Variants in VPS53 observed in about 807,000 individuals in gnomAD.
VPS53 encodes VPS53 subunit of GARP complex.
In VPS53, 70 loss-of-function variants were observed where a neutral mutation model predicts 107.0. The observed-to-expected ratio is 0.65, with a 90% confidence interval of 0.54 to 0.80. The LOEUF (loss-of-function observed/expected upper bound fraction) is 0.80, where lower values mean the gene tolerates loss of function less well. Ranked by LOEUF, VPS53 falls within the 30% of genes least tolerant of loss-of-function variation. VPS53 has a pLI of 0.00. For synonymous variants in VPS53, 409 were observed against 393.3 expected (o/e 1.04, Z -0.47); for missense variants, 917 against 1,049.4 (o/e 0.87, Z 1.74).
At chr17:591,648 T>C (rs910769855) in intron 12 of VPS53, among the ~76,000 whole-genome samples, 21 of 152,240 alleles carry the variant, frequency 1.4e-4, no homozygotes, top group African/African-American at 4.8e-4. Context: ...CCAGTAGTCA[T>C]TCAGGAGCAG....
At chr17:640,457 T>G (rs974745586) in intron 7 of VPS53, among the ~76,000 whole-genome samples, 23 of 152,120 alleles carry the variant, frequency 1.5e-4, no homozygotes, top group African/African-American at 5.6e-4. Flanking sequence ...GTAACTCAGT[T>G]GGAAATGCAG....
At chr17:684,326 A>T (rs1972506718) in intron 4 of VPS53, among the ~76,000 whole-genome samples, 1 of 152,214 alleles carries the variant, frequency 6.6e-6, no homozygotes, top group Non-Finnish European at 1.5e-5. Context: ...CAAAAAAAAA[A>T]TTCCTGAAAC....
chr17:645,369 T>C (rs749670252), intron 7 of VPS53, among the ~76,000 whole-genome samples: 4 of 152,270 alleles, frequency 2.6e-5, no homozygotes, highest in Non-Finnish European at 5.9e-5. Flanking sequence ...CTTTTTGTTG[T>C]TGATTTCTGG....
At chr17:642,224 A>G (rs1970449228) in intron 7 of VPS53, among the ~76,000 whole-genome samples, 1 of 152,202 alleles carries the variant, frequency 6.6e-6, no homozygotes, top group African/African-American at 2.4e-5. Flanking sequence ...ACCATAAAGA[A>G]TCTCAGCCTA....
chr17:537,270 C>T, intron 17 of VPS53, 94 bp from the exon 18 acceptor site: 13 of 1,421,494 alleles, frequency 9.1e-6, no homozygotes, highest in Non-Finnish European at 1.2e-5. Flanking sequence ...GAAGTCAGGT[C>T]ACAGCTTTGG....
At chr17:580,101 C>T (rs941372633) in intron 13 of VPS53, among the ~76,000 whole-genome samples, 7 of 151,364 alleles carry the variant, frequency 4.6e-5, no homozygotes, top group African/African-American at 1.7e-4. Flanking sequence ...TCCCTCAGAA[C>T]CTAATGCGTT....
At chr17:571,321 G>A (rs1015896405) in intron 13 of VPS53, among the ~76,000 whole-genome samples, 6 of 152,052 alleles carry the variant, frequency 3.9e-5, no homozygotes, top group Admixed American at 1.3e-4. Flanking sequence ...AAAAAGAAAA[G>A]GAAAATGCAT....
chr17:635,881 AC>A (rs1970179295), intron 7 of VPS53, among the ~76,000 whole-genome samples: 2 of 152,044 alleles, frequency 1.3e-5, no homozygotes, highest in Non-Finnish European at 2.9e-5. Context: ...GCAATGCGGG[AC>A]CTTTTTTGGT....
intron 6 of VPS53, among the ~76,000 whole-genome samples, chr17:654,747 A>AG (rs1229689937): frequency 6.7e-6 from 1 of 148,302 alleles, no homozygotes; most frequent in Non-Finnish European, 1.5e-5. Flanking sequence ...AAAAAAAAAA[A>AG]AAAAAAAGAA....
intron 4 of VPS53, among the ~76,000 whole-genome samples, chr17:679,343 A>C (rs904705338): frequency 1.4e-4 from 22 of 151,888 alleles, no homozygotes; most frequent in Non-Finnish European, 2.4e-4. Context: ...GTGAAACCCC[A>C]TCTCTACTAA....
chr17:536,098 C>G (rs577499468), intron 18 of VPS53, among the ~76,000 whole-genome samples: 1 of 152,162 alleles, frequency 6.6e-6, no homozygotes, highest in Non-Finnish European at 1.5e-5. Flanking sequence ...TGGTGCTAAG[C>G]CAGATGGTGA....
At chr17:627,090 A>C (rs1269337801) in intron 10 of VPS53, 84 bp downstream of exon 10, 3 of 1,499,484 alleles carry the variant, frequency 2.0e-6, no homozygotes. Context: ...TCAAATCCAC[A>C]GGACAACATG....
chr17:556,903 C>G lies in VPS53; in HGVS notation c.1705-3441G>C, dbSNP rs60074248. ...TACTGAAGGGGGGTGGCCAGGAGGG[C>G]CTCTCTGCTGAAGGGGGGTGGCCAG... On this transcript the variant is annotated intron_variant, in intron 15 of 21. Coordinates refer to ENST00000437048, the MANE Select transcript of VPS53 (RefSeq NM_001128159.3). Among the ~76,000 whole-genome samples, 81 of 146,018 alleles carry G rather than the reference C, an allele frequency of 5.5e-4. 1 individual carries two copies. Among genetic ancestry groups the G allele is most frequent in the African/African-American group, 1.9e-3 (73 of 38,398 alleles).
At chr17:660,104 C>T (rs1442486285) in intron 5 of VPS53, among the ~76,000 whole-genome samples, 3 of 152,218 alleles carry the variant, frequency 2.0e-5, no homozygotes, top group East Asian at 1.9e-4. Context: ...CCACGGGCTG[C>T]GAAAACGGGT....
At chr17:635,049 C>A (rs185003840) in intron 7 of VPS53, among the ~76,000 whole-genome samples, 1,586 of 152,286 alleles carry the variant, frequency 0.01, 31 homozygotes, top group African/African-American at 0.036. Flanking sequence ...ACATCCTCTC[C>A]AGCATCTGTT....
intron 18 of VPS53, among the ~76,000 whole-genome samples, chr17:533,244 A>G (rs1202873434): frequency 6.6e-6 from 1 of 152,134 alleles, no homozygotes; most frequent in East Asian, 1.9e-4. Flanking sequence ...ATCAGACTGG[A>G]TGTAAGGGCT....
intron 5 of VPS53, 49 bp from the exon 6 acceptor site, chr17:656,002 T>C: frequency 6.7e-7 from 1 of 1,500,130 alleles, no homozygotes; most frequent in Non-Finnish European, 9.2e-7. Flanking sequence ...TCAAGAAAGA[T>C]GTAAAACACT....
At position 517,096 on chromosome 17, in the gene VPS53, G is replaced by A. The variant is rs946242713; in HGVS notation, c.*2032C>T. ...CCTTTTCAACTGTACGGCTCAGGCTGCTTAACCATAGCAACTCCATGGGCT... is the reference window on the plus strand; with the variant it reads ...CCTTTTCAACTGTACGGCTCAGGCTACTTAACCATAGCAACTCCATGGGCT... On this transcript the variant is annotated 3_prime_UTR_variant, in exon 22 of 22. Coordinates refer to ENST00000437048, the MANE Select transcript of VPS53 (RefSeq NM_001128159.3). 4.2e-5 allele frequency: 9 copies of A among 213,128 alleles called. No homozygotes were observed. Among genetic ancestry groups the A allele is most frequent in the Non-Finnish European group, 8.3e-5 (9 of 108,432 alleles). 13.2% of individuals were successfully genotyped at this position (213,128 alleles called of 1,614,324 possible).
intron 10 of VPS53, among the ~76,000 whole-genome samples, chr17:626,476 C>T (rs1351565930): frequency 2.6e-5 from 4 of 152,170 alleles, no homozygotes; most frequent in African/African-American, 7.2e-5. Flanking sequence ...GACTTCAAGA[C>T]CAGCCTGGCC....
Sources: allele counts gnomAD v4.1 joint callset (sites outside exome capture counted in the v4.1 genomes callset), GRCh38; gene constraint gnomAD v4.1.1; transcripts MANE v1.5; gene names NCBI Gene and HGNC (gene_info 2026-07-23, HGNC 2026-07-21).